STK11: variants seen among roughly 807,000 people sequenced by gnomAD.
STK11 encodes the protein serine/threonine kinase 11.
STK11 carries 8 observed loss-of-function variants against 47.3 expected under a neutral mutation model. The observed-to-expected ratio is 0.17, with a 90% CI of 0.10 to 0.31. The LOEUF (loss-of-function observed/expected upper bound fraction) is 0.31, where lower values mean the gene tolerates loss of function less well. Among genes scored for constraint, STK11 ranks in the 10% least tolerant of loss-of-function variants. STK11 has a pLI of 1.00. For synonymous variants in STK11, 330 were observed against 255.8 expected, an observed-to-expected ratio of 1.29 and a Z score of -2.77; for missense variants, 475 against 605.0, an observed-to-expected ratio of 0.79 and a Z score of 2.25.
intron 1 of STK11, chr19:1,216,286 C>T (rs2080744149): frequency 5.8e-6 from 1 of 173,234 alleles, no homozygotes; most frequent in African/African-American, 2.4e-5. Context: ...CACTCTGAAT[C>T]CACTTCCTGG....
chr19:1,219,864 TAAA>T (rs1160437567), intron 3 of STK11: 10 of 185,840 alleles, frequency 5.4e-5, no homozygotes, highest in Middle Eastern at 2.4e-3. Flanking sequence ...CCCAAGTTTT[TAAA>T]AACAGTTTTG....
chr19:1,226,084 G>C (rs56254501), intron 8 of STK11: 46,950 of 1,082,206 alleles, frequency 0.043, 1,223 homozygotes, highest in East Asian at 0.13. Context: ...TGGGCCTCTA[G>C]AACCAACCAT....
At chr19:1,221,902 C>G (rs2145428439) in intron 6 of STK11, 47 bp from the exon 7 acceptor site, 1 of 1,548,774 alleles carries the variant, frequency 6.5e-7, no homozygotes, top group Non-Finnish European at 8.7e-7. Flanking sequence ...TTGGTGGGGT[C>G]TCAGGCCTGT....
At chr19:1,223,518 GAGTC>G (rs1291957468) in intron 8 of STK11, 24 of 968,938 alleles carry the variant, frequency 2.5e-5, no homozygotes, top group Admixed American at 2.0e-4. Flanking sequence ...GGGTAGGTGA[GAGTC>G]AGGGTGCAGG....
intron 7 of STK11, among the ~76,000 whole-genome samples, chr19:1,222,268 C>T (rs185757112): frequency 1.4e-3 from 212 of 152,352 alleles, no homozygotes; most frequent in African/African-American, 4.9e-3. Context: ...GGAGATGCGC[C>T]AGGAAGGGCA....
chr19:1,207,788 CG>C (rs1285328026), intron 1 of STK11, among the ~76,000 whole-genome samples: 1 of 152,254 alleles, frequency 6.6e-6, no homozygotes, highest in Non-Finnish European at 1.5e-5. Flanking sequence ...CCCTGGCCCC[CG>C]GGGCTGGAAG....
intron 1 of STK11, among the ~76,000 whole-genome samples, chr19:1,209,280 A>G (rs1387975912): frequency 6.6e-6 from 1 of 152,102 alleles, no homozygotes; most frequent in African/African-American, 2.4e-5. Flanking sequence ...CTCTCCCAGC[A>G]GTGAGAAACC....
rs587780011 is a variant in STK11 at position 1,221,961 on chromosome 19, A to G, written c.875A>G (p.Tyr292Cys). The G allele has an allele frequency of 2.6e-6, 4 of 1,562,144 alleles. No homozygotes were observed. The highest frequency in any genetic ancestry group is 1.9e-5 in the Admixed American group (1 of 52,768). The change falls in exon 7 of 10, where the codon TAC (tyrosine) becomes TGC (cysteine). Residue 292 changes from tyrosine (Y) to cysteine (C), a missense_variant. By Grantham distance (194) the Tyr-to-Cys change is radical. Transcript: ENST00000326873. ...GGCTTCTCCTCAGGGATGCTTGAGT[A>G]CGAACCGGCCAAGAGGTTCTCCATC... is the stretch of plus-strand genomic sequence containing the variant. The part of the protein sequence containing the change: ...LSDLLKGMLE[Y>C]EPAKRFSIRQ...
intron 8 of STK11, chr19:1,224,635 C>G (rs746385629): frequency 1.0e-6 from 1 of 985,544 alleles, no homozygotes; most frequent in Non-Finnish European, 1.2e-6. Context: ...GGACCCGGCA[C>G]TGGCTTCCCT....
At chr19:1,221,428 A>C (rs1019820993) in intron 6 of STK11, 88 bp downstream of exon 6, 1 of 1,463,684 alleles carries the variant, frequency 6.8e-7, no homozygotes, top group African/African-American at 1.4e-5. Context: ...GTGGGGGGCT[A>C]TTGGCCCCGA....
intron 3 of STK11, 173 bp from the exon 4 acceptor site, chr19:1,220,200 G>A: frequency 1.2e-6 from 1 of 823,210 alleles, no homozygotes; most frequent in Non-Finnish European, 1.8e-6. Flanking sequence ...GCCACTGCAG[G>A]CGCAGGTGTG....
chr19:1,210,556 A>G (rs1355275922), intron 1 of STK11, among the ~76,000 whole-genome samples: 1 of 152,228 alleles, frequency 6.6e-6, no homozygotes, highest in Non-Finnish European at 1.5e-5. Flanking sequence ...GAAATAGGAA[A>G]GTTCCAAAAA....
intron 3 of STK11, chr19:1,220,101 T>G: frequency 9.1e-6 from 4 of 440,230 alleles, no homozygotes; most frequent in Non-Finnish European, 1.6e-5. Flanking sequence ...CAGCAAGACT[T>G]TGGGGTGCAG....
intron 8 of STK11, chr19:1,225,716 C>T (rs2080816105): frequency 1.0e-6 from 1 of 985,666 alleles, no homozygotes; most frequent in African/African-American, 1.7e-5. Context: ...CCGGGGCGGC[C>T]TCCCACTGAC....
At chr19:1,214,771 G>A (rs1437738570) in intron 1 of STK11, among the ~76,000 whole-genome samples, 1 of 152,172 alleles carries the variant, frequency 6.6e-6, no homozygotes, top group Non-Finnish European at 1.5e-5. Flanking sequence ...GGCCAGAGCG[G>A]TGCTGGACCT....
At chr19:1,212,334 A>AGT (rs2080717279) in intron 1 of STK11, among the ~76,000 whole-genome samples, 1 of 116,218 alleles carries the variant, frequency 8.6e-6, no homozygotes, top group African/African-American at 3.4e-5. Flanking sequence ...CCGAGGCTGG[A>AGT]GTGCAGTGGC....
In STK11 at chr19:1,227,909, G is replaced by A. The variant is rs959411051; in HGVS notation, c.*333G>A. On this transcript the variant is annotated 3_prime_UTR_variant, in exon 10 of 10. Transcript: ENST00000326873. ...GGCCCCGCCCGTGGCCTCGTGCTCC[G>A]CAGGGCGCCCAGCGCCGTCCGGCGG... 19 of 1,070,350 alleles carry A rather than the reference G, an allele frequency of 1.8e-5. No individual in the cohort carries two copies. In the East Asian group the frequency reaches 6.7e-4, roughly 38 times the overall value. The allele number at this position is 1,070,350 out of a possible 1,614,324, so 66.3% of individuals were successfully genotyped here. A position where few individuals can be genotyped will look rare whatever the true frequency, so the allele number is the denominator to read the frequency against.
chr19:1,222,406 G>A (rs989243794), intron 7 of STK11, among the ~76,000 whole-genome samples: 3 of 152,188 alleles, frequency 2.0e-5, no homozygotes, highest in African/African-American at 4.8e-5. Flanking sequence ...AGCAGCGGAC[G>A]GGGTCAGCAG....
In STK11 at chr19:1,223,502, G is replaced by A. The variant is rs567762634; in HGVS notation, c.1108+330G>A. ...GAGCAGGCGGGGGAGCCCCAGGGTCGGGGGAGGGTAGGTGAGAGTCAGGGT... is the reference window on the plus strand; with the variant it reads ...GAGCAGGCGGGGGAGCCCCAGGGTCAGGGGAGGGTAGGTGAGAGTCAGGGT... On this transcript the variant is annotated intron_variant, in intron 8 of 9. Transcript: ENST00000326873. The A allele has an allele frequency of 3.9e-4, 352 of 903,352 alleles. 1 individual carries two copies. The African/African-American group carries it at 5.7e-3, about 15-fold the overall frequency. 56.0% of individuals were successfully genotyped at this position (903,352 alleles called of 1,614,324 possible).
Sources: allele counts gnomAD v4.1 joint callset (sites outside exome capture counted in the v4.1 genomes callset), GRCh38; gene constraint gnomAD v4.1.1; transcripts MANE v1.5; gene names NCBI Gene and HGNC (gene_info 2026-07-23, HGNC 2026-07-21).